MCTP2: variants seen among roughly 807,000 people sequenced by gnomAD.
MCTP2 encodes multiple C2 and transmembrane domain-containing protein 2.
MCTP2 carries 132 observed loss-of-function variants against 111.6 expected under a neutral mutation model. The observed-to-expected ratio is 1.18, with a 90% CI of 1.03 to 1.37. The LOEUF (loss-of-function observed/expected upper bound fraction) is 1.37. Ranked by LOEUF, MCTP2 falls within the 40% of genes most tolerant of loss-of-function variation. MCTP2 has a pLI of 0.00. For synonymous variants in MCTP2, 395 were observed against 387.7 expected (o/e 1.02, Z -0.22); for missense variants, 1,183 against 1,067.9 (o/e 1.11, Z -1.50).
chr15:94,450,262 A>G (rs1325664525), intron 19 of MCTP2, among the ~76,000 whole-genome samples: 1 of 152,240 alleles, frequency 6.6e-6, no homozygotes, highest in East Asian at 1.9e-4. Context: ...CTACTTGAGA[A>G]AGAAGTACAC....
chr15:94,286,853 G>T (rs1281436110), intron 1 of MCTP2, among the ~76,000 whole-genome samples: 2 of 152,186 alleles, frequency 1.3e-5, no homozygotes, highest in African/African-American at 4.8e-5. Context: ...TAGTGGTTTG[G>T]AGAGGGAAAA....
At chr15:94,231,441 G>T (rs1390721321), upstream of MCTP2, 1 of 152,208 alleles carries the variant, frequency 6.6e-6, no homozygotes, top group East Asian at 1.9e-4. Context: ...CGCTTGGGTC[G>T]GAGGCTGCTC....
rs149195894 is a variant in MCTP2, at chr15:94,459,531, A to G, written c.2360+1285A>G. 1.7e-3 allele frequency among the ~76,000 whole-genome samples: 265 copies of G among 152,276 alleles called. 1 individual carries two copies. The highest frequency in any genetic ancestry group is 6.0e-3 in the African/African-American group (249 of 41,544). Reference sequence around the variant, plus strand: ...GAATTTTTATTGAATTTACAGTTATACCCATTATTAATATCTTAAGAAAAA... The same window carrying G: ...GAATTTTTATTGAATTTACAGTTATGCCCATTATTAATATCTTAAGAAAAA... On this transcript the variant is annotated intron_variant, in intron 20 of 22. Coordinates refer to ENST00000357742, the MANE Select transcript of MCTP2 (RefSeq NM_001385001.1).
At chr15:94,360,584 C>T (rs999561955) in intron 10 of MCTP2, among the ~76,000 whole-genome samples, 3 of 152,186 alleles carry the variant, frequency 2.0e-5, no homozygotes, top group Non-Finnish European at 4.4e-5. Context: ...GAATGGCCAG[C>T]GTGTTGTTTT....
rs1440870058 is a variant in MCTP2, at chr15:94,483,465, A to T, written c.*4431A>T. On this transcript the variant is annotated 3_prime_UTR_variant, in exon 23 of 23. Transcript: ENST00000357742. The stretch of plus-strand genomic sequence containing the variant: ...CACTGGATCAGTCTAAATGCCCATC[A>T]TTGATAGAATGGATAAAGAAAATGT... 2 of 152,228 alleles carry T rather than the reference A, an allele frequency of 1.3e-5. No homozygotes were observed. The highest frequency in any genetic ancestry group is 1.3e-4 in the Admixed American group (2 of 15,282). The allele number at this position is 152,228 out of a possible 1,614,324, so 9.4% of individuals were successfully genotyped here. A position where few individuals can be genotyped will look rare whatever the true frequency, so the allele number is the denominator to read the frequency against.
At chr15:94,390,101 T>TGTAG (rs2080846777) in intron 14 of MCTP2, among the ~76,000 whole-genome samples, 1 of 40,726 alleles carries the variant, frequency 2.5e-5, no homozygotes. Context: ...TATATATATA[T>TGTAG]ATATATATAT....
intron 4 of MCTP2, among the ~76,000 whole-genome samples, chr15:94,335,042 C>G (rs141696081): frequency 9.1e-4 from 138 of 152,290 alleles, no homozygotes; most frequent in African/African-American, 3.2e-3. Flanking sequence ...TTGAGTAGGT[C>G]CTTCTTGTGG....
chr15:94,476,771 G>T lies in MCTP2; in HGVS notation c.2546G>T (p.Arg849Met). The change falls in exon 22 of 23, where the codon AGG (arginine) becomes ATG (methionine). Residue 849 changes from arginine (R) to methionine (M), a missense_variant. Transcript: ENST00000357742. ...DNNELLDFLSRVPSDVQKVQY... is the reference protein window; with the variant it reads ...DNNELLDFLSMVPSDVQKVQY... ...AATGAGCTACTAGACTTCCTCTCTA[G>T]GGTACCGTCTGATGTTCAAAAGGTA... 1 of 1,603,674 alleles carries T rather than the reference G, an allele frequency of 6.2e-7. No homozygotes were observed. Among genetic ancestry groups the T allele is most frequent in the Non-Finnish European group, 8.5e-7 (1 of 1,170,752 alleles).
At chr15:94,366,625 C>T (rs1168479306) in intron 10 of MCTP2, among the ~76,000 whole-genome samples, 2 of 152,124 alleles carry the variant, frequency 1.3e-5, no homozygotes, top group Non-Finnish European at 2.9e-5. Context: ...CCTTATTGTT[C>T]TCTCTGGGGA....
At chr15:94,251,503 T>C (rs6497180) in intron 1 of MCTP2, among the ~76,000 whole-genome samples, 77,965 of 151,474 alleles carry the variant, frequency 0.51, 20,290 homozygotes, top group Middle Eastern at 0.6. Flanking sequence ...GGATTACAGG[T>C]GCCCGCCACC....
intron 19 of MCTP2, 42 bp downstream of exon 19, chr15:94,443,002 TG>T (rs759325043): frequency 1.3e-6 from 2 of 1,572,028 alleles, no homozygotes; most frequent in Non-Finnish European, 1.7e-6. Flanking sequence ...AAAACACTAG[TG>T]TTGTCAACAG....
At chr15:94,434,519 A>C (rs1192480355) in intron 17 of MCTP2, among the ~76,000 whole-genome samples, 1 of 152,138 alleles carries the variant, frequency 6.6e-6, no homozygotes, top group Admixed American at 6.5e-5. Context: ...TCAGATGTAT[A>C]ATCCATTTAG....
At chr15:94,407,815 A>ATG (rs2081979955) in intron 17 of MCTP2, among the ~76,000 whole-genome samples, 1 of 142,460 alleles carries the variant, frequency 7.0e-6, no homozygotes, top group East Asian at 2.3e-4. Context: ...ACACACACAC[A>ATG]CATGCATGAA....
chr15:94,306,707 C>T (rs927216201), intron 2 of MCTP2, among the ~76,000 whole-genome samples: 1 of 152,204 alleles, frequency 6.6e-6, no homozygotes, highest in African/African-American at 2.4e-5. Flanking sequence ...TGAAATTCCA[C>T]AATGGGGTAT....
At chr15:94,341,110 A>G (rs549644981) in intron 7 of MCTP2, 186 bp downstream of exon 7, 6 of 493,514 alleles carry the variant, frequency 1.2e-5, no homozygotes, top group African/African-American at 9.6e-5. Context: ...AGGAACCGGA[A>G]AGGAAATTTG....
intron 1 of MCTP2, among the ~76,000 whole-genome samples, chr15:94,291,523 C>T (rs2075029547): frequency 1.3e-5 from 2 of 151,924 alleles, no homozygotes; most frequent in African/African-American, 2.4e-5. Flanking sequence ...ATTGCTTGAA[C>T]CGGGGAGGTG....
intron 17 of MCTP2, among the ~76,000 whole-genome samples, chr15:94,439,719 G>C (rs1456519136): frequency 6.6e-6 from 1 of 152,082 alleles, no homozygotes; most frequent in Non-Finnish European, 1.5e-5. Context: ...TCTCGAAATT[G>C]GTAGATTTTA....
chr15:94,277,594 A>G (rs1295325461), intron 1 of MCTP2, among the ~76,000 whole-genome samples: 1 of 152,192 alleles, frequency 6.6e-6, no homozygotes, highest in African/African-American at 2.4e-5. Context: ...ATGTGATTCC[A>G]GCTCTTTGAC....
intron 1 of MCTP2, among the ~76,000 whole-genome samples, chr15:94,245,347 C>T (rs975797132): frequency 3.8e-5 from 5 of 130,384 alleles, no homozygotes; most frequent in Non-Finnish European, 8.1e-5. Flanking sequence ...TAGATATTTA[C>T]ATACATATGT....
Sources: gnomAD v4.1 joint callset for allele counts (sites outside exome capture counted in the v4.1 genomes callset) on GRCh38, gnomAD v4.1.1 for gene constraint, MANE v1.5 for transcripts, NCBI Gene and HGNC (gene_info 2026-07-23, HGNC 2026-07-21) for gene names.